Variants in GALNT17 observed in about 807,000 individuals in gnomAD.
GALNT17 encodes the protein UDP-GalNAc:polypeptide N-acetylgalactosaminyltransferase-like 3.
In GALNT17, 29 loss-of-function variants were observed where a neutral mutation model predicts 63.7. That is an observed-to-expected ratio of 0.46 (90% CI 0.34 to 0.62). The LOEUF is 0.62. GALNT17 is among the 20% of genes least tolerant of loss of function. GALNT17 has a pLI of 0.01. For synonymous variants in GALNT17, 305 were observed against 318.3 expected, an observed-to-expected ratio of 0.96 and a Z score of 0.45; for missense variants, 603 against 799.6, an observed-to-expected ratio of 0.75 and a Z score of 2.97.
intron 1 of GALNT17, among the ~76,000 whole-genome samples, chr7:71,149,058 G>A (rs1432126321): frequency 6.6e-6 from 1 of 151,690 alleles, no homozygotes; most frequent in Non-Finnish European, 1.5e-5. Flanking sequence ...GGAACTCCAG[G>A]TACGTGCCAA....
At chr7:71,583,277 G>A (rs141720504) in intron 6 of GALNT17, among the ~76,000 whole-genome samples, 2,310 of 152,218 alleles carry the variant, frequency 0.015, 26 homozygotes, top group Non-Finnish European at 0.024. Context: ...TGTATTTTTA[G>A]TAGAGATGGG....
At position 71,645,481 on chromosome 7, in the gene GALNT17, G is replaced by A. The variant is rs1852185; in HGVS notation, c.1081-19930G>A. Among the ~76,000 whole-genome samples, 300 of 152,142 alleles carry A rather than the reference G, an allele frequency of 2.0e-3. 7 individuals are homozygous for A. The highest frequency in any genetic ancestry group is 0.019 in the Admixed American group (285 of 15,276). On this transcript the variant is annotated intron_variant, in intron 6 of 10. Transcript: ENST00000333538. Reference sequence around the variant, plus strand: ...TGAAGAAGTGCCTGCTTCCCTTTCCGCCATGATTGTAAGTTTCCTGAGGCT... The same window carrying A: ...TGAAGAAGTGCCTGCTTCCCTTTCCACCATGATTGTAAGTTTCCTGAGGCT...
chr7:71,583,848 G>T (rs1196766166), intron 6 of GALNT17, among the ~76,000 whole-genome samples: 2 of 152,092 alleles, frequency 1.3e-5, no homozygotes, highest in African/African-American at 4.8e-5. Flanking sequence ...CTCCTGGCTG[G>T]GCGCGGTGGC....
chr7:71,377,141 A>ATATAT (rs1563047778), intron 2 of GALNT17, among the ~76,000 whole-genome samples: 4 of 129,470 alleles, frequency 3.1e-5, no homozygotes, highest in African/African-American at 5.9e-5. Flanking sequence ...ATATATATAT[A>ATATAT]AAATCTCCTT....
At chr7:71,379,901 G>A (rs912834905) in intron 2 of GALNT17, among the ~76,000 whole-genome samples, 12 of 151,998 alleles carry the variant, frequency 7.9e-5, no homozygotes, top group Non-Finnish European at 1.8e-4. Flanking sequence ...ACAGTGAAGG[G>A]CAAAAGAAGG....
At position 71,701,799 on chromosome 7, in the gene GALNT17, G is replaced by A. The variant is rs1248729243; in HGVS notation, c.1501-8962G>A. On this transcript the variant is annotated intron_variant, in intron 9 of 10. Coordinates refer to ENST00000333538, the MANE Select transcript of GALNT17 (RefSeq NM_022479.3). ...TGTGTGTGTGTATATATATGTGTGTGTGTGTATATATATATACACATATAT... is the reference window on the plus strand; with the variant it reads ...TGTGTGTGTGTATATATATGTGTGTATGTGTATATATATATACACATATAT... 1.2e-3 allele frequency among the ~76,000 whole-genome samples: 55 copies of A among 46,862 alleles called. 1 individual carries two copies. The highest frequency in any genetic ancestry group is 5.1e-3 in the African/African-American group (54 of 10,620). 30.7% of individuals were successfully genotyped at this position (46,862 alleles called of 152,430 possible).
At chr7:71,296,873 G>T (rs1389650123) in intron 1 of GALNT17, among the ~76,000 whole-genome samples, 1 of 152,046 alleles carries the variant, frequency 6.6e-6, no homozygotes, top group Admixed American at 6.6e-5. Context: ...TTTTTTCGCT[G>T]CTGTGTCATT....
At position 71,205,151 on chromosome 7, in the gene GALNT17, A is replaced by C. The variant is rs565079809; in HGVS notation, c.238+72111A>C. On this transcript the variant is annotated intron_variant, in intron 1 of 10. Coordinates refer to ENST00000333538, the MANE Select transcript of GALNT17 (RefSeq NM_022479.3). Reference sequence around the variant, plus strand: ...TTTTATTTTTTATTTTTTACTTTTTACTTTTTTTTTTTTTTTTTTTTGAGA... The same window carrying C: ...TTTTATTTTTTATTTTTTACTTTTTCCTTTTTTTTTTTTTTTTTTTTGAGA... Among the ~76,000 whole-genome samples, 353 of 106,828 alleles carry C rather than the reference A, an allele frequency of 3.3e-3. 4 individuals are homozygous for C. The highest frequency in any genetic ancestry group is 0.013 in the African/African-American group (332 of 25,542). 70.1% of individuals were successfully genotyped at this position (106,828 alleles called of 152,430 possible). A position where few individuals can be genotyped will look rare whatever the true frequency, so the allele number is the denominator to read the frequency against.
At chr7:71,565,969 G>C (rs10225562) in intron 5 of GALNT17, among the ~76,000 whole-genome samples, 1 of 150,866 alleles carries the variant, frequency 6.6e-6, no homozygotes, top group African/African-American at 2.4e-5. Flanking sequence ...TCAGCCTCCC[G>C]AGTAGCTAGG....
chr7:71,690,629 A>C (rs1791427600), intron 9 of GALNT17, among the ~76,000 whole-genome samples: 1 of 152,200 alleles, frequency 6.6e-6, no homozygotes, highest in Admixed American at 6.5e-5. Context: ...TTTGGGAAGA[A>C]TGTACCATTT....
intron 1 of GALNT17, among the ~76,000 whole-genome samples, chr7:71,263,154 T>A (rs1013182575): frequency 6.6e-6 from 1 of 151,914 alleles, no homozygotes; most frequent in African/African-American, 2.4e-5. Flanking sequence ...GGTCAGGAGA[T>A]TGAGACCATC....
chr7:71,367,714 C>T (rs1792541527), intron 2 of GALNT17, among the ~76,000 whole-genome samples: 1 of 152,200 alleles, frequency 6.6e-6, no homozygotes, highest in Non-Finnish European at 1.5e-5. Context: ...ATGCCCCCTT[C>T]TATTTGGGGC....
chr7:71,463,483 C>A (rs565108388), intron 5 of GALNT17, among the ~76,000 whole-genome samples: 3 of 151,900 alleles, frequency 2.0e-5, no homozygotes, highest in African/African-American at 7.2e-5. Context: ...GGATCTCACG[C>A]AAGAAACAGT....
intron 1 of GALNT17, among the ~76,000 whole-genome samples, chr7:71,182,747 C>T (rs1788756936): frequency 6.6e-6 from 1 of 152,064 alleles, no homozygotes; most frequent in Non-Finnish European, 1.5e-5. Flanking sequence ...CCGGCTCCAG[C>T]AGCTGACAGA....
intron 1 of GALNT17, among the ~76,000 whole-genome samples, chr7:71,296,676 T>C (rs551800184): frequency 1.3e-5 from 2 of 151,162 alleles, no homozygotes; most frequent in East Asian, 3.9e-4. Flanking sequence ...TACATATATA[T>C]GTATATAAAT....
chr7:71,388,965 A>AG (rs1406539244), intron 3 of GALNT17, among the ~76,000 whole-genome samples: 1 of 152,146 alleles, frequency 6.6e-6, no homozygotes, highest in Non-Finnish European at 1.5e-5. Flanking sequence ...CCACAGCAGG[A>AG]GGTGAGTGGC....
intron 6 of GALNT17, among the ~76,000 whole-genome samples, chr7:71,648,749 T>A (rs1298906791): frequency 6.6e-6 from 1 of 152,100 alleles, no homozygotes; most frequent in Non-Finnish European, 1.5e-5. Flanking sequence ...CAGCTGCGTT[T>A]TATGGCTAAG....
chr7:71,191,713 A>G (rs1333214058), intron 1 of GALNT17, among the ~76,000 whole-genome samples: 3 of 152,146 alleles, frequency 2.0e-5, no homozygotes, highest in Non-Finnish European at 4.4e-5. Context: ...GTTTTTGGCT[A>G]TTATGAAAAG....
In GALNT17 at chr7:71,310,347, A is replaced by C. The variant is rs544449417; in HGVS notation, c.239-25203A>C. On this transcript the variant is annotated intron_variant, in intron 1 of 10. Coordinates refer to ENST00000333538, the MANE Select transcript of GALNT17 (RefSeq NM_022479.3). ...AAAGGATTCCCTAAATCATATCACTATGTGTTCAATGGCATCGTCTTTGTA... is the reference window on the plus strand; with the variant it reads ...AAAGGATTCCCTAAATCATATCACTCTGTGTTCAATGGCATCGTCTTTGTA... Among the ~76,000 whole-genome samples, 18 of 152,290 alleles carry C rather than the reference A, an allele frequency of 1.2e-4. 1 individual carries two copies. The highest frequency in any genetic ancestry group is 6.8e-3 in the Middle Eastern group (2 of 294).
Sources: allele counts gnomAD v4.1 joint callset (sites outside exome capture counted in the v4.1 genomes callset), GRCh38; gene constraint gnomAD v4.1.1; transcripts MANE v1.5; gene names NCBI Gene and HGNC (gene_info 2026-07-23, HGNC 2026-07-21).